NUDCD3: variants seen among roughly 807,000 people sequenced by gnomAD.
The protein encoded by NUDCD3 is NudC domain containing 3, also known as nudC domain-containing protein 3.
In NUDCD3, 13 loss-of-function variants were observed where a neutral mutation model predicts 39.7. The observed-to-expected ratio is 0.33, with a 90% CI of 0.21 to 0.52. The LOEUF is 0.52. Among genes scored for constraint, NUDCD3 ranks in the 20% least tolerant of loss-of-function variants. NUDCD3 has a pLI of 0.96. For missense variants in NUDCD3, 453 were observed against 458.1 expected (o/e 0.99, Z 0.10); for synonymous variants, 175 against 172.4 (o/e 1.02, Z -0.12).
intron 3 of NUDCD3, among the ~76,000 whole-genome samples, chr7:44,412,784 G>C (rs1798952594): frequency 6.6e-6 from 1 of 151,990 alleles, no homozygotes. Flanking sequence ...AAAATTAGTT[G>C]GGCGTAGTGG....
intron 2 of NUDCD3, among the ~76,000 whole-genome samples, chr7:44,469,453 A>G (rs543438807): frequency 2.8e-4 from 42 of 152,374 alleles, no homozygotes; most frequent in African/African-American, 9.9e-4. Flanking sequence ...TGATAAAAAT[A>G]GAAAATCATT....
rs990002312 is a variant in NUDCD3, at chr7:44,382,096, A to G, written c.*3915T>C. On this transcript the variant is annotated 3_prime_UTR_variant, in exon 6 of 6. Transcript: ENST00000355451. ...ATGGGTGGTGGGATTGAAAACCCCT[A>G]CCAGACCCCTGTCACACCAAGGAGC... The G allele has an allele frequency of 6.6e-6, 1 of 151,996 alleles. No individual in the cohort carries two copies. The highest frequency in any genetic ancestry group is 1.5e-5 in the Non-Finnish European group (1 of 67,994). 9.4% of individuals were successfully genotyped at this position (151,996 alleles called of 1,614,324 possible).
intron 3 of NUDCD3, among the ~76,000 whole-genome samples, chr7:44,408,759 T>C (rs887492719): frequency 6.6e-6 from 1 of 152,216 alleles, no homozygotes; most frequent in East Asian, 1.9e-4. Flanking sequence ...TGTGATATTT[T>C]AATTTGGCCT....
intron 3 of NUDCD3, among the ~76,000 whole-genome samples, chr7:44,422,199 A>T (rs1226251991): frequency 5.9e-5 from 9 of 152,220 alleles, no homozygotes; most frequent in Admixed American, 5.9e-4. Flanking sequence ...AAGATCTAAA[A>T]TTGACACCCT....
chr7:44,429,633 A>G (rs1360712876), intron 2 of NUDCD3, among the ~76,000 whole-genome samples: 1 of 152,244 alleles, frequency 6.6e-6, no homozygotes, highest in Non-Finnish European at 1.5e-5. Flanking sequence ...TAAGGAAACT[A>G]ATTTCAATCA....
intron 2 of NUDCD3, among the ~76,000 whole-genome samples, chr7:44,453,931 T>C (rs1425473775): frequency 1.3e-5 from 2 of 152,092 alleles, no homozygotes; most frequent in Non-Finnish European, 2.9e-5. Flanking sequence ...TGCTTCCAGC[T>C]ACTTGGGAGG....
At chr7:44,433,402 G>A (rs901221343) in intron 2 of NUDCD3, among the ~76,000 whole-genome samples, 1 of 152,160 alleles carries the variant, frequency 6.6e-6, no homozygotes, top group Non-Finnish European at 1.5e-5. Context: ...GCTGGTGCAT[G>A]TGTACCTGCA....
chr7:44,437,175 T>C (rs913960446), intron 2 of NUDCD3, among the ~76,000 whole-genome samples: 2 of 149,864 alleles, frequency 1.3e-5, no homozygotes, highest in Non-Finnish European at 3.0e-5. Flanking sequence ...GTTCAAGCAA[T>C]TCTCCTGCCT....
intron 2 of NUDCD3, among the ~76,000 whole-genome samples, chr7:44,469,001 C>T (rs1800193439): frequency 6.6e-6 from 1 of 151,134 alleles, no homozygotes; most frequent in Non-Finnish European, 1.5e-5. Context: ...ACAGTCCTTA[C>T]AGTCCATTTG....
intron 2 of NUDCD3, among the ~76,000 whole-genome samples, chr7:44,479,526 CTT>C (rs1432762842): frequency 6.6e-6 from 1 of 152,086 alleles, no homozygotes; most frequent in East Asian, 1.9e-4. Context: ...TATTTTTAAT[CTT>C]GTTTCTTTCT....
chr7:44,483,663 A>C (rs1800540824), intron 2 of NUDCD3, among the ~76,000 whole-genome samples: 1 of 152,186 alleles, frequency 6.6e-6, no homozygotes, highest in Admixed American at 6.5e-5. Context: ...AAGACTCTGC[A>C]ATCTTGCCCC....
Position 44,415,721 on chromosome 7 carries a change from G to C in NUDCD3, c.643-11138C>G, listed in dbSNP as rs553657394. ...GGAGAGTAGAGGATCTGGCTCTCCT[G>C]TGAAGCTCTATCCACAGCCCCAACA... On this transcript the variant is annotated intron_variant, in intron 3 of 5. Coordinates refer to ENST00000355451, the MANE Select transcript of NUDCD3 (RefSeq NM_015332.4). Among the ~76,000 whole-genome samples, 11 of 152,310 alleles carry C rather than the reference G, an allele frequency of 7.2e-5. No homozygotes were observed. In the East Asian group the frequency reaches 1.5e-3, roughly 21 times the overall value.
rs766073372 is a variant in NUDCD3 at position 44,404,411 on chromosome 7, G to A, written c.786+29C>T. ...CACTGCAGGTTTGAAGTCCACCTGG[G>A]AGCCCTACACACAGGTGCCCAAACT... On this transcript the variant is annotated intron_variant, in intron 4 of 5. Transcript: ENST00000355451. 18 of 1,608,258 alleles carry A rather than the reference G, an allele frequency of 1.1e-5. No homozygotes were observed. The South Asian group carries it at 1.8e-4, about 16-fold the overall frequency.
At chr7:44,387,173 T>C (rs145496734) in intron 5 of NUDCD3, among the ~76,000 whole-genome samples, 1 of 152,264 alleles carries the variant, frequency 6.6e-6, no homozygotes, top group African/African-American at 2.4e-5. Flanking sequence ...CCTGTTTTTA[T>C]TTTTTACAGA....
At chr7:44,466,477 G>A (rs1036061344) in intron 2 of NUDCD3, among the ~76,000 whole-genome samples, 6 of 152,188 alleles carry the variant, frequency 3.9e-5, no homozygotes, top group South Asian at 2.1e-4. Flanking sequence ...GGGCCCCAAA[G>A]GCCTCAGGAA....
chr7:44,454,520 C>G (rs1799856423), intron 2 of NUDCD3, among the ~76,000 whole-genome samples: 1 of 152,172 alleles, frequency 6.6e-6, no homozygotes, highest in South Asian at 2.1e-4. Flanking sequence ...CTGAGGCTAA[C>G]CTCAACCACC....
intron 3 of NUDCD3, among the ~76,000 whole-genome samples, chr7:44,412,728 C>T (rs1029065905): frequency 1.3e-5 from 2 of 151,758 alleles, no homozygotes; most frequent in Non-Finnish European, 2.9e-5. Context: ...GAGATCGAGG[C>T]CATCCTGGCT....
At chr7:44,467,669 T>A (rs1448513915) in intron 2 of NUDCD3, among the ~76,000 whole-genome samples, 1 of 151,682 alleles carries the variant, frequency 6.6e-6, no homozygotes, top group Non-Finnish European at 1.5e-5. Context: ...AAAAAAAAAG[T>A]ATTCCATAAA....
intron 3 of NUDCD3, among the ~76,000 whole-genome samples, chr7:44,411,170 C>T (rs1274475840): frequency 6.6e-6 from 1 of 151,856 alleles, no homozygotes; most frequent in Admixed American, 6.6e-5. Flanking sequence ...ATTTTTTAAA[C>T]TCAAAATGGA....
Sources: allele counts gnomAD v4.1 joint callset (sites outside exome capture counted in the v4.1 genomes callset), GRCh38; gene constraint gnomAD v4.1.1; transcripts MANE v1.5; gene names NCBI Gene and HGNC (gene_info 2026-07-23, HGNC 2026-07-21).